The following MYRFL variants were observed in gnomAD, a reference collection of about 807,000 sequenced individuals.
The protein encoded by MYRFL is myelin regulatory factor like.
A neutral mutation model predicts 109.4 loss-of-function variants in MYRFL; 88 were observed. That is an observed-to-expected ratio of 0.80 (90% CI 0.68 to 0.96). The LOEUF (loss-of-function observed/expected upper bound fraction) is 0.96, where lower values mean the gene tolerates loss of function less well. Ranked by LOEUF, MYRFL falls within the 40% of genes least tolerant of loss-of-function variation. MYRFL has a pLI of 0.00. For missense variants in MYRFL, 957 were observed against 954.9 expected, an observed-to-expected ratio of 1.00 and a Z score of -0.03; for synonymous variants, 324 against 320.9, an observed-to-expected ratio of 1.01 and a Z score of -0.10.
chr12:69,929,781 G>A (rs921134706), intron 15 of MYRFL, among the ~76,000 whole-genome samples: 7 of 151,884 alleles, frequency 4.6e-5, no homozygotes, highest in African/African-American at 9.7e-5. Context: ...GTGTGATCTC[G>A]AGTGAAACTT....
At chr12:69,890,734 A>G (rs1362956476) in intron 6 of MYRFL, among the ~76,000 whole-genome samples, 2 of 152,254 alleles carry the variant, frequency 1.3e-5, no homozygotes, top group Admixed American at 1.3e-4. Context: ...GACTGTCTCA[A>G]AAAAAGAAAG....
At chr12:69,859,949 A>C (rs948136267) in intron 2 of MYRFL, among the ~76,000 whole-genome samples, 11 of 151,716 alleles carry the variant, frequency 7.3e-5, no homozygotes, top group Non-Finnish European at 1.5e-4. Context: ...TTCAACTTTT[A>C]TTTTAAGTTC....
intron 13 of MYRFL, among the ~76,000 whole-genome samples, chr12:69,913,438 T>C (rs1954637618): frequency 6.6e-6 from 1 of 152,186 alleles, no homozygotes; most frequent in Non-Finnish European, 1.5e-5. Context: ...AATTTTAGGT[T>C]TTACATTCCT....
At chr12:69,830,443 TAG>T (rs1882560622) in intron 1 of MYRFL, among the ~76,000 whole-genome samples, 1 of 150,112 alleles carries the variant, frequency 6.7e-6, no homozygotes. Flanking sequence ...ATAGATAATA[TAG>T]AGAGAGATAA....
At chr12:69,831,929 A>G (rs1448250825) in intron 1 of MYRFL, among the ~76,000 whole-genome samples, 3 of 152,186 alleles carry the variant, frequency 2.0e-5, no homozygotes, top group Admixed American at 2.0e-4. Flanking sequence ...TTTGGAGCAT[A>G]CAGGCAGGCT....
intron 13 of MYRFL, among the ~76,000 whole-genome samples, chr12:69,920,881 T>C (rs1954889490): frequency 6.6e-6 from 1 of 152,224 alleles, no homozygotes; most frequent in South Asian, 2.1e-4. Context: ...TTAGAAAACA[T>C]GCTCATTCTG....
chr12:69,891,637 T>TTCTCTTTCTTTCTTTCTTTC lies in MYRFL; in HGVS notation c.903+472_903+473insCTCTTTCTTTCTTTCTTTCT. Among the ~76,000 whole-genome samples, 49 of 53,826 alleles carry TTCTCTTTCTTTCTTTCTTTC rather than the reference T, an allele frequency of 9.1e-4. 3 individuals are homozygous for TTCTCTTTCTTTCTTTCTTTC. Among genetic ancestry groups the TTCTCTTTCTTTCTTTCTTTC allele is most frequent in the Middle Eastern group, 0.011 (1 of 94 alleles). The allele number at this position is 53,826 out of a possible 152,430, so 35.3% of individuals were successfully genotyped here. A position where few individuals can be genotyped will look rare whatever the true frequency, so the allele number is the denominator to read the frequency against. On this transcript the variant is annotated intron_variant, in intron 7 of 24. Transcript: ENST00000552032. ...TTTCTTTCTTTCCTCCTTCCTTTCTTTTTCTTTCTTTCTTTCTTTCTTTCT... is the reference window on the plus strand; with the variant it reads ...TTTCTTTCTTTCCTCCTTCCTTTCTTTCTCTTTCTTTCTTTCTTTCTTTCTTTCTTTCTTTCTTTCTTTCT...
intron 1 of MYRFL, among the ~76,000 whole-genome samples, chr12:69,828,873 G>C (rs1187378278): frequency 6.6e-6 from 1 of 152,034 alleles, no homozygotes; most frequent in African/African-American, 2.4e-5. Context: ...TATTAAAAAT[G>C]ATTTGAAAAC....
intron 1 of MYRFL, among the ~76,000 whole-genome samples, chr12:69,850,814 CTTT>C (rs1317846494): frequency 6.6e-6 from 1 of 151,824 alleles, no homozygotes; most frequent in Admixed American, 6.6e-5. Flanking sequence ...TTTCTGTATT[CTTT>C]GTTTTTTTTC....
chr12:69,897,472 A>G (rs1954033803), intron 10 of MYRFL, among the ~76,000 whole-genome samples: 1 of 152,200 alleles, frequency 6.6e-6, no homozygotes, highest in African/African-American at 2.4e-5. Flanking sequence ...CACAGCTGGC[A>G]TCTAGTGGGT....
intron 2 of MYRFL, 88 bp from the exon 3 acceptor site, chr12:69,878,939 GC>G: frequency 1.4e-6 from 1 of 699,440 alleles, no homozygotes; most frequent in Non-Finnish European, 2.6e-6. Flanking sequence ...CACTGTGGGG[GC>G]TGTACACTGA....
Position 69,891,265 on chromosome 12 carries a change from A to G in MYRFL, c.903+99A>G, listed in dbSNP as rs1011271801. On this transcript the variant is annotated intron_variant, in intron 7 of 24. Coordinates refer to ENST00000552032, the MANE Select transcript of MYRFL (RefSeq NM_182530.3). ...AACTATCCCAAAATGACTTAAAATAATAACAGTCCTTTATTTTGGTCACAA... is the reference window on the plus strand; with the variant it reads ...AACTATCCCAAAATGACTTAAAATAGTAACAGTCCTTTATTTTGGTCACAA... 17 of 902,584 alleles carry G rather than the reference A, an allele frequency of 1.9e-5. No individual in the cohort carries two copies. In the African/African-American group the frequency reaches 2.6e-4, roughly 14 times the overall value. The allele number at this position is 902,584 out of a possible 1,614,324, so 55.9% of individuals were successfully genotyped here.
chr12:69,958,654 C>CT lies in MYRFL; in HGVS notation c.*128dup, dbSNP rs1956150345. 1.5e-6 allele frequency: 1 copy of CT among 687,258 alleles called. No homozygotes were observed. The highest frequency in any genetic ancestry group is 3.2e-5 in the Admixed American group (1 of 30,788). 42.6% of individuals were successfully genotyped at this position (687,258 alleles called of 1,614,324 possible). A position where few individuals can be genotyped will look rare whatever the true frequency, so the allele number is the denominator to read the frequency against. ...AACATTTACGTTTATTGCTGAAGGA[C>CT]TTTTTCAGGCTTTAGCTTCCAACAG... is the stretch of plus-strand genomic sequence containing the variant. On this transcript the variant is annotated 3_prime_UTR_variant, in exon 25 of 25. Coordinates refer to ENST00000552032, the MANE Select transcript of MYRFL (RefSeq NM_182530.3).
At chr12:69,831,397 G>C (rs1170952005) in intron 1 of MYRFL, among the ~76,000 whole-genome samples, 1 of 152,150 alleles carries the variant, frequency 6.6e-6, no homozygotes, top group Non-Finnish European at 1.5e-5. Context: ...ACCAACCCCT[G>C]ATCTACAACC....
At chr12:69,859,896 C>T (rs1262026058) in intron 2 of MYRFL, among the ~76,000 whole-genome samples, 1 of 152,048 alleles carries the variant, frequency 6.6e-6, no homozygotes, top group Non-Finnish European at 1.5e-5. Flanking sequence ...CTATTTGGTC[C>T]AATATTAATC....
chr12:69,936,183 C>G lies in MYRFL; in HGVS notation c.1987C>G (p.Pro663Ala), dbSNP rs991159320. Reference protein sequence around the residue: ...DQDRRVPNLPPSNITSSQEPA... With the variant: ...DQDRRVPNLPASNITSSQEPA... Reference sequence around the variant, plus strand: ...AGACCGACGTGTCCCAAATCTCCCTCCAAGGTGAGAGTTCAGTTCAATTTT... The same window carrying G: ...AGACCGACGTGTCCCAAATCTCCCTGCAAGGTGAGAGTTCAGTTCAATTTT... Residue 663 changes from proline (P) to alanine (A), a missense_variant, in exon 17 of 25, where the codon CCA becomes GCA. Physicochemically the swap from Pro to Ala is conservative, Grantham distance 27. Transcript: ENST00000552032. The G allele has an allele frequency of 6.6e-7, 1 of 1,504,130 alleles. No homozygotes were observed. The highest frequency in any genetic ancestry group is 1.7e-4 in the Middle Eastern group (1 of 5,826). The allele number at this position is 1,504,130 out of a possible 1,614,324, so 93.2% of individuals were successfully genotyped here. A position where few individuals can be genotyped will look rare whatever the true frequency, so the allele number is the denominator to read the frequency against.
At chr12:69,859,809 T>C (rs899466531) in intron 2 of MYRFL, among the ~76,000 whole-genome samples, 1 of 152,202 alleles carries the variant, frequency 6.6e-6, no homozygotes. Flanking sequence ...GGAACACTTT[T>C]ACACTGTTGG....
At chr12:69,945,959 C>T (rs1278363265) in intron 19 of MYRFL, among the ~76,000 whole-genome samples, 2 of 104,874 alleles carry the variant, frequency 1.9e-5, no homozygotes, top group Admixed American at 1.4e-4. Context: ...TGCCCTCCAG[C>T]CTGGGCGACA....
At chr12:69,954,006 A>C (rs1230227224) in intron 21 of MYRFL, among the ~76,000 whole-genome samples, 1 of 152,118 alleles carries the variant, frequency 6.6e-6, no homozygotes, top group Non-Finnish European at 1.5e-5. Context: ...TATGACCTCT[A>C]TGTTCATTAT....
Sources: allele counts gnomAD v4.1 joint callset (sites outside exome capture counted in the v4.1 genomes callset), GRCh38; gene constraint gnomAD v4.1.1; transcripts MANE v1.5; gene names NCBI Gene and HGNC (gene_info 2026-07-23, HGNC 2026-07-21).